LARGE1: variants seen among roughly 807,000 people sequenced by gnomAD.
LARGE1 encodes the protein xylosyl- and glucuronyltransferase LARGE1.
In LARGE1, 43 loss-of-function variants were observed where a neutral mutation model predicts 87.6. The ratio of observed to expected loss-of-function variants is 0.49; its 90% CI spans 0.38 to 0.63. The LOEUF is 0.63. LARGE1 is among the 30% of genes least tolerant of loss of function. The pLI, the probability that LARGE1 is intolerant of heterozygous loss-of-function variation, is 0.00. For missense variants in LARGE1, 802 were observed against 1,000.2 expected (o/e 0.80, Z 2.67); for synonymous variants, 434 against 394.6 (o/e 1.10, Z -1.18).
chr22:33,082,069 G>T, the LARGE1 span, among the ~76,000 whole-genome samples: 25 of 152,174 alleles, frequency 1.6e-4, no homozygotes, highest in Admixed American at 6.5e-4. Flanking sequence ...CCTGCCAAGG[G>T]TATTTTAATT....
intron 1 of LARGE1, among the ~76,000 whole-genome samples, chr22:33,793,650 T>C (rs570946527): frequency 6.6e-6 from 1 of 152,256 alleles, no homozygotes; most frequent in East Asian, 1.9e-4. Flanking sequence ...CCAGAGTCCC[T>C]CCTACCTCCC....
At chr22:33,315,295 G>A (rs1250057194) in intron 11 of LARGE1, among the ~76,000 whole-genome samples, 1 of 152,160 alleles carries the variant, frequency 6.6e-6, no homozygotes, top group Non-Finnish European at 1.5e-5. Flanking sequence ...TACAACTCCC[G>A]AGGTGATTCA....
At chr22:33,410,434 C>A (rs935864279) in intron 7 of LARGE1, among the ~76,000 whole-genome samples, 1 of 151,864 alleles carries the variant, frequency 6.6e-6, no homozygotes, top group Non-Finnish European at 1.5e-5. Flanking sequence ...GGGCGGGGGG[C>A]GGTTTCCTCC....
At chr22:33,516,738 C>T (rs1195318252) in intron 6 of LARGE1, among the ~76,000 whole-genome samples, 5 of 152,060 alleles carry the variant, frequency 3.3e-5, no homozygotes, top group East Asian at 1.9e-4. Context: ...TACAAGCAGG[C>T]GCCACCACGC....
intron 2 of LARGE1, among the ~76,000 whole-genome samples, chr22:33,721,720 G>A (rs568120825): frequency 4.6e-5 from 7 of 152,144 alleles, no homozygotes; most frequent in Admixed American, 6.5e-5. Context: ...TAAAGGTATC[G>A]TAGAAAAACT....
chr22:33,291,506 G>A (rs1460385556), intron 12 of LARGE1, among the ~76,000 whole-genome samples: 3 of 152,130 alleles, frequency 2.0e-5, no homozygotes, highest in Non-Finnish European at 4.4e-5. Context: ...TGTGTTGGAA[G>A]CTTAATTCCC....
chr22:33,827,657 C>A (rs1306167086), intron 1 of LARGE1, among the ~76,000 whole-genome samples: 4 of 152,194 alleles, frequency 2.6e-5, no homozygotes, highest in African/African-American at 9.7e-5. Flanking sequence ...AGAGGCATCA[C>A]ATCAGGGCTG....
intron 11 of LARGE1, among the ~76,000 whole-genome samples, chr22:33,173,594 A>T (rs1052942946): frequency 6.6e-6 from 1 of 152,082 alleles, no homozygotes; most frequent in Non-Finnish European, 1.5e-5. Context: ...CAGGAGACCC[A>T]TCTCACATGC....
chr22:33,168,248 G>C (rs1438950105), intron 11 of LARGE1, among the ~76,000 whole-genome samples: 1 of 152,146 alleles, frequency 6.6e-6, no homozygotes, highest in Admixed American at 6.5e-5. Context: ...ATTCTTACTG[G>C]CTCTGGATCT....
chr22:33,796,677 T>C (rs1438379219), intron 1 of LARGE1, among the ~76,000 whole-genome samples: 2 of 151,666 alleles, frequency 1.3e-5, no homozygotes, highest in Admixed American at 6.6e-5. Flanking sequence ...AAGTCCCTCT[T>C]GTGGAAGACC....
At chr22:33,181,064 G>T (rs1225994484) in intron 11 of LARGE1, among the ~76,000 whole-genome samples, 2 of 152,080 alleles carry the variant, frequency 1.3e-5, no homozygotes, top group South Asian at 2.1e-4. Context: ...AAATTATAAG[G>T]TTTATTAATT....
chr22:33,319,185 T>A (rs899582196), intron 10 of LARGE1, among the ~76,000 whole-genome samples: 1 of 152,202 alleles, frequency 6.6e-6, no homozygotes, highest in Non-Finnish European at 1.5e-5. Flanking sequence ...AGGGCTAGAA[T>A]CATGATGTAT....
rs375310592 is a variant in LARGE1 at position 33,339,544 on chromosome 22, G to A, written c.1132-1743C>T. 5.2e-4 allele frequency among the ~76,000 whole-genome samples: 79 copies of A among 152,176 alleles called. No homozygotes were observed. In the South Asian group the frequency reaches 0.016, roughly 31 times the overall value. On this transcript the variant is annotated intron_variant, in intron 9 of 14. Coordinates refer to ENST00000397394, the MANE Select transcript of LARGE1 (RefSeq NM_133642.5). ...ATAATGAAGAAGATGCAAGTCGCAG[G>A]ATGGGAGATGCAAAACTAGAGCCTA...
chr22:33,299,085 G>T (rs1286779325), intron 12 of LARGE1, among the ~76,000 whole-genome samples: 1 of 152,000 alleles, frequency 6.6e-6, no homozygotes, highest in Non-Finnish European at 1.5e-5. Flanking sequence ...GGTGGCGCAT[G>T]CCTATAATCC....
At chr22:33,263,456 AG>A (rs1927756285) in intron 11 of LARGE1, among the ~76,000 whole-genome samples, 2 of 152,222 alleles carry the variant, frequency 1.3e-5, no homozygotes, top group Admixed American at 1.3e-4. Flanking sequence ...ACTCCTTTGC[AG>A]GGAGTGGTGT....
intron 2 of LARGE1, among the ~76,000 whole-genome samples, chr22:33,687,032 TC>T (rs1272211139): frequency 6.6e-6 from 1 of 152,164 alleles, no homozygotes; most frequent in East Asian, 1.9e-4. Flanking sequence ...CTCGTTGCTG[TC>T]CCTTGAACAT....
intron 6 of LARGE1, among the ~76,000 whole-genome samples, chr22:33,558,468 C>T (rs1234721576): frequency 6.6e-6 from 1 of 152,170 alleles, no homozygotes; most frequent in African/African-American, 2.4e-5. Context: ...ACTGAATCAC[C>T]TCCTCAAATT....
intron 5 of LARGE1, among the ~76,000 whole-genome samples, chr22:33,589,412 G>A (rs1289507984): frequency 6.6e-6 from 1 of 151,876 alleles, no homozygotes; most frequent in East Asian, 1.9e-4. Flanking sequence ...TCATTGTTCT[G>A]TTTATTAATA....
intron 7 of LARGE1, among the ~76,000 whole-genome samples, chr22:33,422,924 G>T (rs2066744750): frequency 6.6e-6 from 1 of 151,970 alleles, no homozygotes; most frequent in African/African-American, 2.4e-5. Context: ...AATTCAACAT[G>T]AGATTTGGGC....
Sources: gnomAD v4.1 joint callset for allele counts (sites outside exome capture counted in the v4.1 genomes callset) on GRCh38, gnomAD v4.1.1 for gene constraint, MANE v1.5 for transcripts, NCBI Gene and HGNC (gene_info 2026-07-23, HGNC 2026-07-21) for gene names.